The following ABCB5 variants were observed in gnomAD, a reference collection of about 807,000 sequenced individuals.
ABCB5 encodes ATP-binding cassette sub-family B member 5.
ABCB5 carries 155 observed loss-of-function variants against 144.2 expected under a neutral mutation model. That is an observed-to-expected ratio of 1.08 (90% CI 0.94 to 1.23). ABCB5 has a LOEUF of 1.23. Ranked by LOEUF, ABCB5 falls within the 50% of genes most tolerant of loss-of-function variation. ABCB5 has a pLI of 0.00. For missense variants in ABCB5, 1,830 were observed against 1,520.8 expected, an observed-to-expected ratio of 1.20 and a Z score of -3.38; for synonymous variants, 610 against 528.6, an observed-to-expected ratio of 1.15 and a Z score of -2.11.
chr7:20,627,592 T>G (rs1429602832), intron 3 of ABCB5, among the ~76,000 whole-genome samples: 1 of 152,160 alleles, frequency 6.6e-6, no homozygotes, highest in Non-Finnish European at 1.5e-5. Flanking sequence ...GGGGACCTAC[T>G]ACAGAATAGA....
chr7:20,738,869 C>T (rs1043879560), intron 23 of ABCB5, 114 bp from the exon 24 acceptor site: 5 of 1,176,146 alleles, frequency 4.3e-6, no homozygotes, highest in Admixed American at 3.4e-5. Flanking sequence ...GTTAGGGGTG[C>T]CGTCTACATC....
chr7:20,676,163 CACAT>C (rs151313949), intron 14 of ABCB5, among the ~76,000 whole-genome samples: 14,610 of 104,896 alleles, frequency 0.14, 808 homozygotes, highest in Non-Finnish European at 0.16. Flanking sequence ...AATTCTACTA[CACAT>C]ACACACACAC....
At chr7:20,680,047 T>C (rs1785738261) in intron 14 of ABCB5, among the ~76,000 whole-genome samples, 1 of 152,196 alleles carries the variant, frequency 6.6e-6, no homozygotes, top group Non-Finnish European at 1.5e-5. Context: ...AGTTGTGGTA[T>C]AGTCACGCAA....
At position 20,740,073 on chromosome 7, in the gene ABCB5, T is replaced by C. The variant is rs1451618499; in HGVS notation, c.3024+934T>C. Among the ~76,000 whole-genome samples, 6 of 151,676 alleles carry C rather than the reference T, an allele frequency of 4.0e-5. No homozygotes were observed. The East Asian group carries it at 1.2e-3, about 29-fold the overall frequency. ...GGTGAAACCCCGTCTCTACTAAAAA[T>C]AAAAAAATTAAAAAAATTCAGCCGG... is the stretch of plus-strand genomic sequence containing the variant. On this transcript the variant is annotated intron_variant, in intron 24 of 27. Transcript: ENST00000404938.
At chr7:20,748,248 C>T (rs557214354) in intron 26 of ABCB5, among the ~76,000 whole-genome samples, 12 of 152,276 alleles carry the variant, frequency 7.9e-5, no homozygotes, top group African/African-American at 2.6e-4. Context: ...GATAATGGCA[C>T]TGGTATACTC....
chr7:20,666,754 T>C, intron 14 of ABCB5: 1 of 1,598,712 alleles, frequency 6.3e-7, no homozygotes, highest in Non-Finnish European at 8.5e-7. Flanking sequence ...TATTGTATTT[T>C]CTAGAAAAAA....
At chr7:20,754,262 G>A (rs1330747793) in intron 27 of ABCB5, among the ~76,000 whole-genome samples, 1 of 152,188 alleles carries the variant, frequency 6.6e-6, no homozygotes, top group Non-Finnish European at 1.5e-5. Context: ...TGACCTAAGA[G>A]CCCAGGCAGT....
At chr7:20,660,198 G>A (rs1335920927) in intron 14 of ABCB5, 2 of 983,784 alleles carry the variant, frequency 2.0e-6, no homozygotes, top group Non-Finnish European at 2.4e-6. Flanking sequence ...AGTGAAAAAA[G>A]AAGAATGCAG....
At chr7:20,638,857 A>G (rs1784221931) in intron 5 of ABCB5, among the ~76,000 whole-genome samples, 1 of 152,168 alleles carries the variant, frequency 6.6e-6, no homozygotes, top group Non-Finnish European at 1.5e-5. Flanking sequence ...ATACGTTTTT[A>G]TTACTCTTGA....
chr7:20,707,543 C>T (rs1446039190), intron 20 of ABCB5, among the ~76,000 whole-genome samples: 1 of 152,130 alleles, frequency 6.6e-6, no homozygotes, highest in Non-Finnish European at 1.5e-5. Flanking sequence ...TATTTCTGTA[C>T]ATTTTGGCGA....
chr7:20,742,947 T>G lies in ABCB5; in HGVS notation c.3095T>G (p.Ile1032Ser). The change falls in exon 25 of 28, where the codon ATC becomes AGC. Residue 1032 changes from isoleucine to serine, a missense_variant. Ile to Ser is a moderately radical substitution (Grantham distance 142). Coordinates refer to ENST00000404938, the MANE Select transcript of ABCB5 (RefSeq NM_001163941.2). ...TATCCATGTCGCCCAGATGTTTTCA[T>G]CCTCCGTGGCTTATCCCTCAGTATT... is the stretch of plus-strand genomic sequence containing the variant. Reference protein sequence around the residue: ...FFYPCRPDVFILRGLSLSIER... With the variant: ...FFYPCRPDVFSLRGLSLSIER... 1 of 1,614,164 alleles carries G rather than the reference T, an allele frequency of 6.2e-7. No homozygotes were observed.
At chr7:20,711,772 T>TTC (rs1787046088) in intron 20 of ABCB5, among the ~76,000 whole-genome samples, 1 of 49,842 alleles carries the variant, frequency 2.0e-5, no homozygotes, top group Non-Finnish European at 3.4e-5. Flanking sequence ...CTGCCTTTCC[T>TTC]TCTTTCTCTT....
chr7:20,626,527 A>G, intron 2 of ABCB5, 30 bp from the exon 3 acceptor site: 1 of 1,587,362 alleles, frequency 6.3e-7, no homozygotes, highest in Non-Finnish European at 8.6e-7. Flanking sequence ...TCACATTGTA[A>G]CTGCTGCATT....
intron 12 of ABCB5, 71 bp from the exon 13 acceptor site, chr7:20,651,349 T>C: frequency 1.4e-6 from 2 of 1,425,608 alleles, no homozygotes; most frequent in Admixed American, 1.9e-5. Context: ...TATATTTTGG[T>C]CTAGTATGAA....
intron 14 of ABCB5, among the ~76,000 whole-genome samples, chr7:20,669,436 C>G (rs1163622474): frequency 2.2e-5 from 3 of 139,270 alleles, no homozygotes; most frequent in Non-Finnish European, 4.6e-5. Flanking sequence ...ATCCCCAACC[C>G]TGTGCTCTCT....
intron 1 of ABCB5, among the ~76,000 whole-genome samples, chr7:20,617,421 C>T (rs1013744591): frequency 1.3e-5 from 2 of 152,158 alleles, no homozygotes; most frequent in Admixed American, 6.5e-5. Context: ...TAAAACTGTG[C>T]TATTAACAGC....
intron 24 of ABCB5, among the ~76,000 whole-genome samples, chr7:20,741,537 C>A (rs1306662989): frequency 6.7e-6 from 1 of 149,648 alleles, no homozygotes; most frequent in Admixed American, 6.8e-5. Flanking sequence ...GACTACTACA[C>A]TACTTTTAAA....
intron 11 of ABCB5, 26 bp from the exon 12 acceptor site, chr7:20,649,996 G>T: frequency 6.3e-7 from 1 of 1,594,222 alleles, no homozygotes; most frequent in Non-Finnish European, 8.6e-7. Flanking sequence ...GTGGTTTTAT[G>T]ATTTTCCCTC....
At position 20,685,850 on chromosome 7, in the gene ABCB5, G is replaced by T. The variant is rs372335731; in HGVS notation, c.2010+14G>T. On this transcript the variant is annotated intron_variant, in intron 16 of 27. Transcript: ENST00000404938. ...CAATCTAAAGAGGTAATGGCTCAGC[G>T]ATCAACCAGTTTTTCCTGCATGTTT... is the stretch of plus-strand genomic sequence containing the variant. The T allele has an allele frequency of 6.4e-7, 1 of 1,567,922 alleles. No homozygotes were observed. The highest frequency in any genetic ancestry group is 8.6e-7 in the Non-Finnish European group (1 of 1,164,056).
Sources: gnomAD v4.1 joint callset for allele counts (sites outside exome capture counted in the v4.1 genomes callset) on GRCh38, gnomAD v4.1.1 for gene constraint, MANE v1.5 for transcripts, NCBI Gene and HGNC (gene_info 2026-07-23, HGNC 2026-07-21) for gene names.